Variants in F13A1 observed in about 807,000 individuals in gnomAD.
F13A1 encodes the protein FSF, A subunit.
Under a neutral mutation model 80.1 loss-of-function variants are expected in F13A1, and 47 were observed. The observed-to-expected ratio is 0.59, with a 90% confidence interval of 0.46 to 0.75. The LOEUF (loss-of-function observed/expected upper bound fraction) is 0.75, where lower values mean the gene tolerates loss of function less well. Among genes scored for constraint, F13A1 ranks in the 30% least tolerant of loss-of-function variants. The probability of loss-of-function intolerance (pLI) is 0.00; values close to 1 mark genes in which losing one functional copy is unlikely to be tolerated. For synonymous variants in F13A1, 349 were observed against 344.9 expected, an observed-to-expected ratio of 1.01 and a Z score of -0.13; for missense variants, 817 against 930.4, an observed-to-expected ratio of 0.88 and a Z score of 1.59.
chr6:6,286,483 A>T (rs1455813915), intron 3 of F13A1, among the ~76,000 whole-genome samples: 1 of 152,156 alleles, frequency 6.6e-6, no homozygotes, highest in Admixed American at 6.5e-5. Flanking sequence ...CTTTCCTTTC[A>T]TTCCTGTTCT....
intron 4 of F13A1, among the ~76,000 whole-genome samples, chr6:6,262,709 C>CA (rs750161407): frequency 0.038 from 3,916 of 103,478 alleles, 124 homozygotes; most frequent in African/African-American, 0.11. Context: ...ACTTCACTGA[C>CA]AAAAAAAAAA....
chr6:6,287,877 A>G (rs1758160422), intron 3 of F13A1, among the ~76,000 whole-genome samples: 1 of 152,210 alleles, frequency 6.6e-6, no homozygotes, highest in African/African-American at 2.4e-5. Flanking sequence ...TGGATGTAAC[A>G]AGGAGACTGG....
chr6:6,215,264 T>C (rs976675337), intron 8 of F13A1, among the ~76,000 whole-genome samples: 2 of 128,284 alleles, frequency 1.6e-5, no homozygotes, highest in African/African-American at 5.6e-5. Flanking sequence ...TGATGAACAT[T>C]GATGCAAAAA....
At chr6:6,150,132 G>C (rs3778360) in intron 14 of F13A1, among the ~76,000 whole-genome samples, 1 of 151,872 alleles carries the variant, frequency 6.6e-6, no homozygotes, top group Non-Finnish European at 1.5e-5. Flanking sequence ...AGAAGTTTCC[G>C]GTACACTCAG....
intron 6 of F13A1, among the ~76,000 whole-genome samples, chr6:6,241,633 C>T (rs1374631392): frequency 6.6e-6 from 1 of 151,836 alleles, no homozygotes; most frequent in Non-Finnish European, 1.5e-5. Context: ...ACCGTTCACT[C>T]CAAAAAAAGA....
chr6:6,313,124 A>AT (rs1191097201), intron 2 of F13A1, among the ~76,000 whole-genome samples: 1 of 152,058 alleles, frequency 6.6e-6, no homozygotes, highest in Non-Finnish European at 1.5e-5. Flanking sequence ...AATCTAGCAT[A>AT]TTGATTTTTG....
At chr6:6,212,361 G>A (rs1473081038) in intron 8 of F13A1, among the ~76,000 whole-genome samples, 1 of 142,466 alleles carries the variant, frequency 7.0e-6, no homozygotes, top group Admixed American at 7.0e-5. Flanking sequence ...CCTCAAGTGG[G>A]TCCCTGACCC....
rs372025904 is a variant in F13A1, at chr6:6,318,644, G to A, written c.21C>T (p.Thr7=). ...GAACTGCTCTTCTGCCTCCAAAGGC[G>A]GTCCTGGAAGTTTCTGACATTTTTG... The part of the protein sequence containing the change: MSETSR[T]AFGGRRAVPP... Residue 7 remains threonine, a synonymous_variant, in exon 2 of 15, where the codon ACC becomes ACT. Coordinates refer to ENST00000264870, the MANE Select transcript of F13A1 (RefSeq NM_000129.4). The A allele has an allele frequency of 1.5e-5, 24 of 1,612,990 alleles. No homozygotes were observed. Among genetic ancestry groups the A allele is most frequent in the African/African-American group, 8.0e-5 (6 of 74,758 alleles).
intron 13 of F13A1, 120 bp from the exon 14 acceptor site, chr6:6,152,069 C>T (rs540647345): frequency 8.4e-7 from 1 of 1,193,386 alleles, no homozygotes; most frequent in East Asian, 2.5e-5. Flanking sequence ...GGCAATGGAA[C>T]CAGTGTGATG....
intron 4 of F13A1, among the ~76,000 whole-genome samples, chr6:6,257,198 C>T (rs185598958): frequency 3.3e-5 from 5 of 152,248 alleles, no homozygotes; most frequent in African/African-American, 9.6e-5. Context: ...AATGTGACTC[C>T]GGACTGGTGT....
chr6:6,147,648 C>A (rs929028144), intron 14 of F13A1, among the ~76,000 whole-genome samples: 3 of 152,116 alleles, frequency 2.0e-5, no homozygotes, highest in African/African-American at 7.2e-5. Context: ...GTTAAGGACC[C>A]GACCTGAGAC....
intron 4 of F13A1, among the ~76,000 whole-genome samples, chr6:6,253,975 T>C (rs2113107100): frequency 6.6e-6 from 1 of 152,346 alleles, no homozygotes; most frequent in South Asian, 2.1e-4. Flanking sequence ...TGACGATCTT[T>C]ATTTCACCTG....
At chr6:6,160,405 C>T (rs1241584520) in intron 13 of F13A1, among the ~76,000 whole-genome samples, 2 of 151,796 alleles carry the variant, frequency 1.3e-5, no homozygotes, top group Non-Finnish European at 2.9e-5. Context: ...GGCGGGATCT[C>T]GGCTCACTGC....
rs1339185125 is a variant in F13A1 at position 6,250,843 on chromosome 6, C to A, written c.658G>T (p.Asp220Tyr). Residue 220 changes from aspartate (D) to tyrosine (Y), a missense_variant, in exon 5 of 15, where the codon GAC becomes TAC. Physicochemically the swap from Asp to Tyr is radical, Grantham distance 160. Transcript: ENST00000264870. This position sits in a 1 kb window ranked among gnomAD's most constrained non-coding sequence, Gnocchi z 4.2. The stretch of plus-strand genomic sequence containing the variant: ...TAGCTCCAGCTTCTGGTCTTGATGT[C>A]ATTGACCTCTCCATAAAAAATTACC... ...IGVIFYGEVN[D>Y]IKTRSWSYGQ... is the part of the protein sequence containing the mutation. The A allele has an allele frequency of 1.9e-6, 3 of 1,613,514 alleles. No individual in the cohort carries two copies. The East Asian group carries it at 6.7e-5, about 36-fold the overall frequency.
intron 2 of F13A1, among the ~76,000 whole-genome samples, chr6:6,310,698 G>T (rs879473902): frequency 2.0e-5 from 3 of 152,158 alleles, no homozygotes; most frequent in Admixed American, 2.0e-4. Flanking sequence ...GATTAAATGA[G>T]AAAATGCACC....
intron 8 of F13A1, among the ~76,000 whole-genome samples, chr6:6,207,602 A>T (rs1027432968): frequency 6.6e-6 from 1 of 152,230 alleles, no homozygotes; most frequent in Non-Finnish European, 1.5e-5. Context: ...GAAGGTCCTC[A>T]TCTCTCATCT....
intron 11 of F13A1, among the ~76,000 whole-genome samples, chr6:6,180,647 A>C (rs902203530): frequency 2.6e-5 from 4 of 152,248 alleles, no homozygotes; most frequent in African/African-American, 9.6e-5. Flanking sequence ...CCAAATGACA[A>C]AAAAATACCA....
At chr6:6,194,005 G>C (rs1470871826) in intron 10 of F13A1, among the ~76,000 whole-genome samples, 3 of 152,308 alleles carry the variant, frequency 2.0e-5, no homozygotes, top group Non-Finnish European at 2.9e-5. Context: ...TGATCTTGCT[G>C]TCTGAATTTT....
chr6:6,314,216 G>A (rs561395592), intron 2 of F13A1, among the ~76,000 whole-genome samples: 4 of 151,984 alleles, frequency 2.6e-5, no homozygotes, highest in Non-Finnish European at 5.9e-5. Context: ...TCCTGATCTG[G>A]TGATCTGCCC....
Sources: gnomAD v4.1 joint callset for allele counts (sites outside exome capture counted in the v4.1 genomes callset) on GRCh38, gnomAD v4.1.1 for gene constraint, Gnocchi (gnomAD v3.1) non-coding constraint, MANE v1.5 for transcripts, NCBI Gene and HGNC (gene_info 2026-07-23, HGNC 2026-07-21) for gene names.